The following SGCZ variants were observed in gnomAD, a reference collection of about 807,000 sequenced individuals.
SGCZ encodes zeta-sarcoglycan.
SGCZ carries 40 observed loss-of-function variants against 41.3 expected under a neutral mutation model. The observed-to-expected ratio is 0.97, with a 90% CI of 0.75 to 1.26. The LOEUF (loss-of-function observed/expected upper bound fraction) is 1.26. SGCZ is among the 50% of genes most tolerant of loss of function. SGCZ has a pLI of 0.00. For synonymous variants in SGCZ, 206 were observed against 137.5 expected, an observed-to-expected ratio of 1.50 and a Z score of -3.49; for missense variants, 552 against 369.8, an observed-to-expected ratio of 1.49 and a Z score of -4.04.
intron 2 of SGCZ, among the ~76,000 whole-genome samples, chr8:14,438,072 C>G (rs1223209564): frequency 6.6e-6 from 1 of 151,786 alleles, no homozygotes; most frequent in Non-Finnish European, 1.5e-5. Context: ...TAAATCTTTC[C>G]TATCATATAA....
At chr8:14,653,519 G>A (rs1282593505) in intron 1 of SGCZ, among the ~76,000 whole-genome samples, 1 of 151,982 alleles carries the variant, frequency 6.6e-6, no homozygotes, top group African/African-American at 2.4e-5. Flanking sequence ...CATTACAATT[G>A]TTTAAAAAAC....
chr8:15,026,086 T>G (rs1803446799), intron 1 of SGCZ, among the ~76,000 whole-genome samples: 1 of 152,068 alleles, frequency 6.6e-6, no homozygotes, highest in Admixed American at 6.6e-5. Context: ...TTAGACTATT[T>G]ACTTTGACTT....
chr8:14,720,937 T>C (rs1405452396), intron 1 of SGCZ, among the ~76,000 whole-genome samples: 3 of 151,938 alleles, frequency 2.0e-5, no homozygotes, highest in African/African-American at 7.2e-5. Flanking sequence ...TTTTTTATGA[T>C]TATAAATGAC....
intron 1 of SGCZ, among the ~76,000 whole-genome samples, chr8:15,191,191 A>G (rs997998699): frequency 6.6e-6 from 1 of 152,104 alleles, no homozygotes; most frequent in Non-Finnish European, 1.5e-5. Flanking sequence ...TACTGCCATA[A>G]TTTTCAACTA....
chr8:14,236,020 T>C (rs1421523325), intron 4 of SGCZ, among the ~76,000 whole-genome samples: 1 of 152,170 alleles, frequency 6.6e-6, no homozygotes, highest in Non-Finnish European at 1.5e-5. Context: ...AAGAACTTCT[T>C]TTTATATCAA....
chr8:14,745,225 A>G (rs1311008034), intron 1 of SGCZ, among the ~76,000 whole-genome samples: 1 of 145,414 alleles, frequency 6.9e-6, no homozygotes, highest in Admixed American at 6.9e-5. Context: ...GTGTGTGTTG[A>G]ATCAGAAAAC....
In SGCZ at chr8:14,871,273, TTACACTGTTGGTGGGAGTGTAAATTA is replaced by T. The variant is rs1804140034; in HGVS notation, c.40-316373_40-316348del. Reference sequence around the variant, plus strand: ...AGAATGTGGAGAAACAGGAACCCTTTTACACTGTTGGTGGGAGTGTAAATTATTTCAACCACTGTGAAAGACAGTTT... The same window carrying T: ...AGAATGTGGAGAAACAGGAACCCTTTTTTCAACCACTGTGAAAGACAGTTT... On this transcript the variant is annotated intron_variant, in intron 1 of 7. Coordinates refer to ENST00000382080, the MANE Select transcript of SGCZ (RefSeq NM_139167.4). Among the ~76,000 whole-genome samples, 4 of 152,228 alleles carry T rather than the reference TTACACTGTTGGTGGGAGTGTAAATTA, an allele frequency of 2.6e-5. No homozygotes were observed. The South Asian group carries it at 8.3e-4, about 32-fold the overall frequency.
At chr8:14,778,749 G>A (rs1563263229) in intron 1 of SGCZ, among the ~76,000 whole-genome samples, 1 of 152,294 alleles carries the variant, frequency 6.6e-6, no homozygotes, top group Middle Eastern at 3.4e-3. Flanking sequence ...AGTAATCAGA[G>A]AAATGCAGAT....
chr8:14,660,037 A>C (rs954156747), intron 1 of SGCZ, among the ~76,000 whole-genome samples: 1 of 152,204 alleles, frequency 6.6e-6, no homozygotes, highest in South Asian at 2.1e-4. Flanking sequence ...GAGAAGTTTG[A>C]AACAGCTTTT....
chr8:14,334,887 G>C (rs994210182), intron 2 of SGCZ, among the ~76,000 whole-genome samples: 1 of 152,064 alleles, frequency 6.6e-6, no homozygotes, highest in Non-Finnish European at 1.5e-5. Context: ...GAAGTAACTT[G>C]TGTGTGCCTG....
At chr8:14,412,971 T>G (rs1171598380) in intron 2 of SGCZ, among the ~76,000 whole-genome samples, 1 of 151,956 alleles carries the variant, frequency 6.6e-6, no homozygotes, top group Non-Finnish European at 1.5e-5. Context: ...ATAGCTAGCA[T>G]TCATAATTTG....
At chr8:14,940,965 T>C (rs1240495821) in intron 1 of SGCZ, among the ~76,000 whole-genome samples, 1 of 151,872 alleles carries the variant, frequency 6.6e-6, no homozygotes, top group African/African-American at 2.4e-5. Context: ...TTATAATATC[T>C]GTTGTATGCA....
chr8:15,120,332 T>A (rs1015348624), intron 1 of SGCZ, among the ~76,000 whole-genome samples: 2 of 152,222 alleles, frequency 1.3e-5, no homozygotes, highest in Non-Finnish European at 2.9e-5. Flanking sequence ...TTCATAAAAC[T>A]ATTCAGACAT....
In SGCZ at chr8:14,828,893, G is replaced by C. The variant is rs557465786; in HGVS notation, c.40-273967C>G. On this transcript the variant is annotated intron_variant, in intron 1 of 7. Transcript: ENST00000382080. ...TTCAAACAAGGACAATTTTGCAAGA[G>C]TTTCAATAGAAAATTAGTAGACATC... Among the ~76,000 whole-genome samples, 101 of 152,276 alleles carry C rather than the reference G, an allele frequency of 6.6e-4. 1 individual carries two copies. The highest frequency in any genetic ancestry group is 2.2e-3 in the African/African-American group (92 of 41,556).
intron 1 of SGCZ, among the ~76,000 whole-genome samples, chr8:14,971,046 A>G (rs1801278320): frequency 6.6e-6 from 1 of 152,124 alleles, no homozygotes; most frequent in Non-Finnish European, 1.5e-5. Flanking sequence ...TGCTTTTGTG[A>G]AATATATTTT....
intron 1 of SGCZ, among the ~76,000 whole-genome samples, chr8:15,229,426 C>T (rs1410053536): frequency 6.6e-6 from 1 of 152,106 alleles, no homozygotes; most frequent in Non-Finnish European, 1.5e-5. Flanking sequence ...AGATGGACCA[C>T]AAATCTGTTC....
chr8:15,143,525 T>C (rs75031738), intron 1 of SGCZ, among the ~76,000 whole-genome samples: 1,919 of 152,352 alleles, frequency 0.013, 16 homozygotes, highest in Middle Eastern at 0.034. Context: ...AGCCAGATCA[T>C]TGGAAATTAG....
intron 1 of SGCZ, among the ~76,000 whole-genome samples, chr8:15,208,669 G>C (rs566304815): frequency 2.0e-5 from 3 of 152,176 alleles, no homozygotes; most frequent in South Asian, 4.1e-4. Context: ...TGAGGCATTA[G>C]AGATCAAGTG....
chr8:14,220,748 C>T (rs1401302091), intron 4 of SGCZ, among the ~76,000 whole-genome samples: 1 of 151,492 alleles, frequency 6.6e-6, no homozygotes, highest in South Asian at 2.1e-4. Context: ...GATGACACCA[C>T]TGCACTCCAG....
Sources: allele counts gnomAD v4.1 joint callset (sites outside exome capture counted in the v4.1 genomes callset), GRCh38; gene constraint gnomAD v4.1.1; transcripts MANE v1.5; gene names NCBI Gene and HGNC (gene_info 2026-07-23, HGNC 2026-07-21).